CEP72: variants seen among roughly 807,000 people sequenced by gnomAD.
CEP72 encodes centrosomal protein of 72 kDa.
CEP72 carries 78 observed loss-of-function variants against 65.7 expected under a neutral mutation model. That is an observed-to-expected ratio of 1.19 (90% confidence interval 0.99 to 1.43). The LOEUF (loss-of-function observed/expected upper bound fraction) is 1.43. Among genes scored for constraint, CEP72 ranks in the 40% most tolerant of loss-of-function variants. The pLI, the probability that CEP72 is intolerant of heterozygous loss-of-function variation, is 0.00. For synonymous variants in CEP72, 358 were observed against 351.7 expected, an observed-to-expected ratio of 1.02 and a Z score of -0.20; for missense variants, 914 against 832.9, an observed-to-expected ratio of 1.10 and a Z score of -1.20.
chr5:675,648 C>A, the CEP72 span, among the ~76,000 whole-genome samples: 4 of 151,862 alleles, frequency 2.6e-5, no homozygotes, highest in African/African-American at 9.7e-5. Flanking sequence ...GGCTGTTGGA[C>A]GGACCCTCGA....
downstream of CEP72, among the ~76,000 whole-genome samples, chr5:671,039 T>TG (rs1284037732): frequency 2.6e-5 from 4 of 151,984 alleles, no homozygotes; most frequent in Non-Finnish European, 5.9e-5. Context: ...CTCCCATTGC[T>TG]GCACCAGCTC....
chr5:660,053 C>T (rs955429294), downstream of CEP72: 54 of 152,448 alleles, frequency 3.5e-4, no homozygotes, highest in African/African-American at 1.0e-3. Context: ...CACCCCACCC[C>T]GCGGACGTCC....
At chr5:658,769 C>T (rs191495497), downstream of CEP72, among the ~76,000 whole-genome samples, 2,407 of 148,416 alleles carry the variant, frequency 0.016, 40 homozygotes, top group Non-Finnish European at 0.02. Flanking sequence ...CCCGGGTTCA[C>T]GCCATTCTCC....
chr5:643,536 C>CGGAGAAGGAT, intron 9 of CEP72: 1 of 985,368 alleles, frequency 1.0e-6, no homozygotes. Context: ...AAGGATGAAG[C>CGGAGAAGGAT]GGCGATACCC....
intron 3 of CEP72, chr5:665,938 C>CCCCCCCCCCCCCCACA: frequency 2.2e-6 from 3 of 1,366,608 alleles, no homozygotes; most frequent in Non-Finnish European, 2.9e-6. Flanking sequence ...CCACCCCCTC[C>CCCCCCCCCCCCCCACA]AGGCCCCGCC....
chr5:665,217 G>A (rs534292159), exon 3 of CEP72: 1 of 1,613,874 alleles, frequency 6.2e-7, no homozygotes, highest in South Asian at 1.1e-5. Flanking sequence ...CTTGCCAGAG[G>A]GGTCGAAGCG....
At chr5:651,476 G>C (rs944774057) in intron 11 of CEP72, among the ~76,000 whole-genome samples, 1 of 151,972 alleles carries the variant, frequency 6.6e-6, no homozygotes, top group Non-Finnish European at 1.5e-5. Context: ...GGGCACGGCG[G>C]GGCAACCTGG....
Position 644,372 on chromosome 5 carries a change from AAAAG to A in CEP72, c.1614_1617del (p.Glu540Ter). ...TTAAAATCGCTTTTGTTGAGTATGAAAAAGGAAGTGAAGAGTGCAGACACTGCAG... is the reference window on the plus strand; with the variant it reads ...TTAAAATCGCTTTTGTTGAGTATGAAGAAGTGAAGAGTGCAGACACTGCAG... On this transcript the variant is annotated frameshift_variant, in exon 10 of 12. Transcript: ENST00000264935. LOFTEE classifies it high-confidence loss of function. The A allele has an allele frequency of 6.2e-7, 1 of 1,613,972 alleles. No individual in the cohort carries two copies. The highest frequency in any genetic ancestry group is 8.5e-7 in the Non-Finnish European group (1 of 1,179,976).
chr5:662,980 TGACTGCTCGTCTGTGATCGGGCGAG>T lies in CEP72; in HGVS notation n.131-435_131-411del, dbSNP rs1561076831. 335 of 150,670 alleles carry T rather than the reference TGACTGCTCGTCTGTGATCGGGCGAG, an allele frequency of 2.2e-3. 20 individuals are homozygous for T. Among genetic ancestry groups the T allele is most frequent in the African/African-American group, 8.3e-3 (316 of 37,882 alleles). The allele number at this position is 150,670 out of a possible 1,614,324, so 9.3% of individuals were successfully genotyped here. ...CTCGTCTGTGATCGGGTGATTCCGA[TGACTGCTCGTCTGTGATCGGGCGAG>T]TCTGGTGACCGCTCGTCTGTGATCG... On this transcript the variant is annotated intron_variant and non_coding_transcript_variant, in intron 1 of 4. Transcript: ENST00000514507.
Position 623,241 on chromosome 5 carries a change from T to C in CEP72, c.404-1230T>C, listed in dbSNP as rs963646214. 2.0e-5 allele frequency among the ~76,000 whole-genome samples: 3 copies of C among 152,170 alleles called. No homozygotes were observed. The highest frequency in any genetic ancestry group is 4.8e-5 in the African/African-American group (2 of 41,460). On this transcript the variant is annotated intron_variant, in intron 3 of 11. Coordinates refer to ENST00000264935, the MANE Select transcript of CEP72 (RefSeq NM_018140.4). The surrounding 1 kb of genome is among the most constrained non-coding windows in gnomAD (Gnocchi z 5.3). ...GAAGGAGCACAACCGTCTCCCCGCA[T>C]GTGAGAGATGCTTCCTGCAGTGGCG...
chr5:622,345 G>T (rs1249024444), intron 3 of CEP72, among the ~76,000 whole-genome samples: 1 of 152,230 alleles, frequency 6.6e-6, no homozygotes, highest in Non-Finnish European at 1.5e-5. Context: ...GGTCCTGGTG[G>T]ACTTTGCTCT....
rs138955347 is a variant in CEP72, at chr5:640,554, C to G, written c.1489C>G (p.Arg497Gly). ...TGCTGAGCAGCAGCAGCAGCACGCC[C>G]GGGAGATGAGCGAGGTGACGGCGGA... ...RLAEQQQQHA[R>G]EMSEVTAELH... The change falls in exon 9 of 12, where the codon CGG becomes GGG. Residue 497 changes from arginine to glycine, a missense_variant. Coordinates refer to ENST00000264935, the MANE Select transcript of CEP72 (RefSeq NM_018140.4). The G allele has an allele frequency of 5.6e-5, 91 of 1,613,904 alleles. 1 individual carries two copies. The highest frequency in any genetic ancestry group is 1.6e-4 in the Middle Eastern group (1 of 6,064).
Position 624,519 on chromosome 5 carries a change from T to C in CEP72, c.452T>C (p.Phe151Ser). 3 of 1,614,180 alleles carry C rather than the reference T, an allele frequency of 1.9e-6. No individual in the cohort carries two copies. Among genetic ancestry groups the C allele is most frequent in the Non-Finnish European group, 2.5e-6 (3 of 1,180,010 alleles). The change falls in exon 4 of 12, where the codon TTT (phenylalanine) becomes TCT (serine). Residue 151 changes from phenylalanine to serine, a missense_variant. Physicochemically the swap from Phe to Ser is radical, Grantham distance 155. Transcript: ENST00000264935. This position sits in a 1 kb window ranked among gnomAD's most constrained non-coding sequence, Gnocchi z 4.7. Reference sequence around the variant, plus strand: ...GAGCGGAAGGCTTCCCGACTGCATTTTGCATCAGAGGACTCACTCGACTCC... The same window carrying C: ...GAGCGGAAGGCTTCCCGACTGCATTCTGCATCAGAGGACTCACTCGACTCC... ...ASERKASRLH[F>S]ASEDSLDSKE...
downstream of CEP72, chr5:660,207 A>G (rs1283415341): frequency 4.5e-5 from 2 of 44,696 alleles, no homozygotes; most frequent in Admixed American, 5.5e-4. Flanking sequence ...TATTGCACAT[A>G]TATATATATA....
chr5:634,681 C>T (rs1285029400), intron 5 of CEP72, among the ~76,000 whole-genome samples: 1 of 152,116 alleles, frequency 6.6e-6, no homozygotes, highest in East Asian at 1.9e-4. Flanking sequence ...CTTCTTTTCT[C>T]TCCAGGTCTG....
chr5:672,397 T>C, the CEP72 span, among the ~76,000 whole-genome samples: 1 of 152,214 alleles, frequency 6.6e-6, no homozygotes, highest in South Asian at 2.1e-4. Context: ...GAAACGTCAG[T>C]GCATTTACTT....
At chr5:634,989 G>A (rs1020764510) in intron 5 of CEP72, among the ~76,000 whole-genome samples, 3 of 152,130 alleles carry the variant, frequency 2.0e-5, no homozygotes, top group African/African-American at 4.8e-5. Context: ...TTTGCCTCCC[G>A]GGTTCAAGTG....
chr5:665,603 G>C (rs1006758727), intron 3 of CEP72, among the ~76,000 whole-genome samples: 21 of 150,590 alleles, frequency 1.4e-4, no homozygotes, highest in Non-Finnish European at 2.1e-4. Context: ...CACCCTCCAG[G>C]CTATGCCCCC....
At chr5:634,371 C>T (rs1165450668) in intron 5 of CEP72, among the ~76,000 whole-genome samples, 1 of 152,222 alleles carries the variant, frequency 6.6e-6, no homozygotes, top group Non-Finnish European at 1.5e-5. Context: ...GACTCCGTTG[C>T]CCGGTGGCAC....
Sources: gnomAD v4.1 joint callset for allele counts (sites outside exome capture counted in the v4.1 genomes callset) on GRCh38, gnomAD v4.1.1 for gene constraint, Gnocchi (gnomAD v3.1) non-coding constraint, MANE v1.5 for transcripts, NCBI Gene and HGNC (gene_info 2026-07-23, HGNC 2026-07-21) for gene names.